Variants in LMBRD1 observed in about 807,000 individuals in gnomAD.
LMBRD1 encodes lysosomal cobalamin transport escort protein LMBD1.
In LMBRD1, 64 loss-of-function variants were observed where a neutral mutation model predicts 74.8. The observed-to-expected ratio is 0.86, with a 90% CI of 0.70 to 1.05. LMBRD1 has a LOEUF of 1.05. LMBRD1 is among the 50% of genes least tolerant of loss of function. The pLI, the probability that LMBRD1 is intolerant of heterozygous loss-of-function variation, is 0.00. For synonymous variants in LMBRD1, 204 were observed against 216.3 expected, an observed-to-expected ratio of 0.94 and a Z score of 0.50; for missense variants, 652 against 645.9, an observed-to-expected ratio of 1.01 and a Z score of -0.10.
chr6:69,710,191 T>C (rs193219426), intron 9 of LMBRD1, among the ~76,000 whole-genome samples: 95 of 152,028 alleles, frequency 6.2e-4, no homozygotes, highest in African/African-American at 2.2e-3. Flanking sequence ...ATTCCAGAAA[T>C]AGACCCACAC....
chr6:69,681,159 G>C (rs1765652885), intron 14 of LMBRD1, among the ~76,000 whole-genome samples: 1 of 151,676 alleles, frequency 6.6e-6, no homozygotes, highest in African/African-American at 2.4e-5. Flanking sequence ...GGGGAGGGGG[G>C]CTCAGATAAT....
At chr6:69,781,156 A>G (rs2149893504) in intron 2 of LMBRD1, among the ~76,000 whole-genome samples, 1 of 152,318 alleles carries the variant, frequency 6.6e-6, no homozygotes, top group East Asian at 1.9e-4. Flanking sequence ...AACCTACAGG[A>G]AAAATCAGTC....
intron 3 of LMBRD1, among the ~76,000 whole-genome samples, chr6:69,754,592 T>G (rs1171452900): frequency 6.6e-6 from 1 of 152,218 alleles, no homozygotes; most frequent in Non-Finnish European, 1.5e-5. Flanking sequence ...CTTTTAATAT[T>G]ATGAGCAACT....
chr6:69,751,580 G>C (rs947499663), intron 4 of LMBRD1, among the ~76,000 whole-genome samples: 4 of 152,030 alleles, frequency 2.6e-5, no homozygotes, highest in Non-Finnish European at 4.4e-5. Context: ...CGCCCGCCTC[G>C]GCCTCCCAAA....
At chr6:69,732,549 C>T (rs1766882405) in intron 7 of LMBRD1, among the ~76,000 whole-genome samples, 1 of 152,108 alleles carries the variant, frequency 6.6e-6, no homozygotes. Flanking sequence ...GGCAAACCAA[C>T]ATTTGATGGG....
Position 69,687,885 on chromosome 6 carries a change from C to T in LMBRD1, c.1417+9678G>A, listed in dbSNP as rs116875370. Among the ~76,000 whole-genome samples, 67 of 152,126 alleles carry T rather than the reference C, an allele frequency of 4.4e-4. No individual in the cohort carries two copies. In the East Asian group the frequency reaches 0.012, roughly 28 times the overall value. ...TAAAGGTCTCTGCCCCATGTTCTTC[C>T]GTCTAAAGAACCAGATGACCTACAT... is the stretch of plus-strand genomic sequence containing the variant. On this transcript the variant is annotated intron_variant, in intron 14 of 15. Transcript: ENST00000649934.
chr6:69,759,833 A>G (rs1350840984), intron 3 of LMBRD1, among the ~76,000 whole-genome samples: 1 of 152,156 alleles, frequency 6.6e-6, no homozygotes, highest in Admixed American at 6.5e-5. Context: ...AAATTTCTTA[A>G]ATCAATAAGA....
intron 7 of LMBRD1, among the ~76,000 whole-genome samples, chr6:69,731,021 G>A (rs765457132): frequency 1.3e-5 from 2 of 152,068 alleles, no homozygotes; most frequent in Non-Finnish European, 2.9e-5. Flanking sequence ...CAATTCTCTT[G>A]ATAGCATAAA....
At chr6:69,703,622 C>T (rs530780661) in intron 9 of LMBRD1, among the ~76,000 whole-genome samples, 1 of 152,030 alleles carries the variant, frequency 6.6e-6, no homozygotes, top group South Asian at 2.1e-4. Flanking sequence ...ACTATACATA[C>T]TTAAATACTA....
At chr6:69,732,368 C>T (rs1338208810) in intron 7 of LMBRD1, among the ~76,000 whole-genome samples, 1 of 152,086 alleles carries the variant, frequency 6.6e-6, no homozygotes, top group Non-Finnish European at 1.5e-5. Context: ...ATCATATGAG[C>T]ATAGAATGAG....
At position 69,749,324 on chromosome 6, in the gene LMBRD1, A is replaced by C; in HGVS notation, c.473+17T>G. ...TATTTCCATTTCATGGTTTAAAAAA[A>C]AAAAATCAAGACTTACCCAACTAAA... On this transcript the variant is annotated intron_variant, in intron 5 of 15. Coordinates refer to ENST00000649934, the MANE Select transcript of LMBRD1 (RefSeq NM_018368.4). 6.3e-7 allele frequency: 1 copy of C among 1,591,496 alleles called. No individual in the cohort carries two copies. The highest frequency in any genetic ancestry group is 8.6e-7 in the Non-Finnish European group (1 of 1,165,612).
chr6:69,695,237 T>C (rs1423007598), intron 14 of LMBRD1, among the ~76,000 whole-genome samples: 2 of 151,626 alleles, frequency 1.3e-5, no homozygotes, highest in African/African-American at 4.8e-5. Flanking sequence ...CCCTGAAGTC[T>C]CTCCTAACTA....
At chr6:69,692,070 C>A (rs1192760963) in intron 14 of LMBRD1, among the ~76,000 whole-genome samples, 1 of 151,844 alleles carries the variant, frequency 6.6e-6, no homozygotes, top group African/African-American at 2.4e-5. Flanking sequence ...TCTCATTTTC[C>A]CCCTTTGTAC....
intron 7 of LMBRD1, among the ~76,000 whole-genome samples, chr6:69,736,090 G>T (rs143351330): frequency 6.6e-6 from 1 of 151,996 alleles, no homozygotes; most frequent in Non-Finnish European, 1.5e-5. Context: ...ATCTACTTAT[G>T]CTGCCTTATT....
chr6:69,695,441 T>C (rs1765974529), intron 14 of LMBRD1, among the ~76,000 whole-genome samples: 1 of 152,100 alleles, frequency 6.6e-6, no homozygotes, highest in South Asian at 2.1e-4. Context: ...TTCTCACATA[T>C]ACAGGAACTC....
At chr6:69,796,684 C>G in intron 1 of LMBRD1, 129 bp downstream of exon 1, 1 of 849,796 alleles carries the variant, frequency 1.2e-6, no homozygotes, top group Non-Finnish European at 2.0e-6. Context: ...AAGGAGCCCT[C>G]CACAGTCCAA....
At chr6:69,734,754 T>C (rs1441185142) in intron 7 of LMBRD1, among the ~76,000 whole-genome samples, 1 of 152,196 alleles carries the variant, frequency 6.6e-6, no homozygotes, top group Non-Finnish European at 1.5e-5. Flanking sequence ...TCCTATTGCA[T>C]ATTTCTGGTC....
chr6:69,712,557 A>T (rs1016186430), intron 9 of LMBRD1, among the ~76,000 whole-genome samples: 2 of 152,138 alleles, frequency 1.3e-5, no homozygotes, highest in African/African-American at 4.8e-5. Context: ...CCTTTTAAAA[A>T]ATAAGAGAAT....
intron 5 of LMBRD1, among the ~76,000 whole-genome samples, chr6:69,745,199 A>G (rs575386450): frequency 5.0e-4 from 76 of 152,114 alleles, no homozygotes; most frequent in South Asian, 4.0e-3. Flanking sequence ...TTACACAAAT[A>G]TATACACATC....
Sources: allele counts gnomAD v4.1 joint callset (sites outside exome capture counted in the v4.1 genomes callset), GRCh38; gene constraint gnomAD v4.1.1; transcripts MANE v1.5; gene names NCBI Gene and HGNC (gene_info 2026-07-23, HGNC 2026-07-21).